The following PGCKA1 variants were observed in gnomAD, a reference collection of about 807,000 sequenced individuals.
The protein encoded by PGCKA1 is PDCD10 and GCKIII kinases associated 1, also known as PDCD10 and GCKIII kinases-associated protein 1.
At chr4:37,557,727 T>C in the PGCKA1 span, among the ~76,000 whole-genome samples, 3 of 152,218 alleles carry the variant, frequency 2.0e-5, no homozygotes, top group Admixed American at 2.0e-4. Context: ...TTCCAGTGTG[T>C]GATCAACAGT....
At chr4:37,572,764 T>C in the PGCKA1 span, among the ~76,000 whole-genome samples, 1 of 152,252 alleles carries the variant, frequency 6.6e-6, no homozygotes, top group Admixed American at 6.5e-5. Context: ...GATAATTTTA[T>C]ATTTTTAATA....
chr4:37,510,015 G>T, the PGCKA1 span, among the ~76,000 whole-genome samples: 1 of 151,814 alleles, frequency 6.6e-6, no homozygotes, highest in Non-Finnish European at 1.5e-5. Flanking sequence ...GAGGGAGAGG[G>T]AGAGGGGTTG....
chr4:37,529,247 T>G, the PGCKA1 span, among the ~76,000 whole-genome samples: 3 of 152,346 alleles, frequency 2.0e-5, no homozygotes, highest in East Asian at 5.8e-4. Context: ...CATATTGAAT[T>G]GTCTTCAATA....
chr4:37,490,780 T>C, the PGCKA1 span, among the ~76,000 whole-genome samples: 3 of 152,150 alleles, frequency 2.0e-5, no homozygotes, highest in African/African-American at 7.2e-5. Flanking sequence ...ATTTTAATGA[T>C]CAAAATAATC....
the PGCKA1 span, among the ~76,000 whole-genome samples, chr4:37,455,642 A>T: frequency 1.3e-5 from 2 of 152,202 alleles, no homozygotes; most frequent in African/African-American, 4.8e-5. Flanking sequence ...CTTTTTGGAT[A>T]TCTGGGATTG....
the PGCKA1 span, among the ~76,000 whole-genome samples, chr4:37,509,369 G>A: frequency 0.027 from 3,666 of 136,740 alleles, 97 homozygotes; most frequent in Non-Finnish European, 0.041. Flanking sequence ...ATGGGGTCAC[G>A]GCAGGGCAGA....
chr4:37,571,727 C>T, the PGCKA1 span, among the ~76,000 whole-genome samples: 8 of 151,504 alleles, frequency 5.3e-5, no homozygotes, highest in Admixed American at 3.9e-4. Context: ...TTAGTAGAGA[C>T]GGGGTTTCAC....
the PGCKA1 span, among the ~76,000 whole-genome samples, chr4:37,580,320 T>TC: frequency 6.6e-6 from 1 of 151,522 alleles, no homozygotes; most frequent in Non-Finnish European, 1.5e-5. Context: ...TTTTTTTTTT[T>TC]TGGATGGTCT....
At chr4:37,523,994 A>T in the PGCKA1 span, among the ~76,000 whole-genome samples, 3 of 152,226 alleles carry the variant, frequency 2.0e-5, no homozygotes, top group Non-Finnish European at 2.9e-5. Flanking sequence ...GGGCTTCATC[A>T]TATGAATTGG....
chr4:37,462,066 A>C, the PGCKA1 span, among the ~76,000 whole-genome samples: 1 of 150,784 alleles, frequency 6.6e-6, no homozygotes, highest in African/African-American at 2.5e-5. Flanking sequence ...GTTTGTTTAA[A>C]GGCAGCTTCC....
the PGCKA1 span, among the ~76,000 whole-genome samples, chr4:37,556,227 TTTTTCTTTTTTA>T: frequency 6.6e-6 from 1 of 151,714 alleles, no homozygotes; most frequent in South Asian, 2.1e-4. Context: ...TCACTATTAG[TTTTTCTTTTTTA>T]TTTTCTTTTT....
the PGCKA1 span, among the ~76,000 whole-genome samples, chr4:37,512,867 T>G: frequency 6.6e-6 from 1 of 152,024 alleles, no homozygotes; most frequent in Non-Finnish European, 1.5e-5. Context: ...AGGGGGCAGA[T>G]CACCTGAGGT....
the PGCKA1 span, among the ~76,000 whole-genome samples, chr4:37,518,240 C>G: frequency 3.9e-4 from 60 of 152,154 alleles, no homozygotes; most frequent in Non-Finnish European, 7.2e-4. Flanking sequence ...AACAGGGGTG[C>G]AGATATCTCT....
the PGCKA1 span, among the ~76,000 whole-genome samples, chr4:37,503,174 G>A: frequency 5.9e-5 from 9 of 152,260 alleles, no homozygotes; most frequent in South Asian, 2.1e-4. Context: ...CTCCTGCCAG[G>A]ATTCCAGAGG....
the PGCKA1 span, among the ~76,000 whole-genome samples, chr4:37,453,741 G>T: frequency 6.6e-6 from 1 of 152,070 alleles, no homozygotes; most frequent in Non-Finnish European, 1.5e-5. Flanking sequence ...GCTTCAGTGC[G>T]CCCGGGACTG....
chr4:37,497,295 CAT>C, the PGCKA1 span, among the ~76,000 whole-genome samples: 1 of 151,600 alleles, frequency 6.6e-6, no homozygotes, highest in Non-Finnish European at 1.5e-5. Context: ...ACTATTCCAT[CAT>C]ATATATATAT....
the PGCKA1 span, among the ~76,000 whole-genome samples, chr4:37,554,316 C>A: frequency 0.22 from 32,986 of 151,970 alleles, 4,244 homozygotes; most frequent in East Asian, 0.46. Context: ...TGAAAATGGA[C>A]TAATACAAAG....
At chr4:37,549,661 C>T in the PGCKA1 span, among the ~76,000 whole-genome samples, 1 of 152,184 alleles carries the variant, frequency 6.6e-6, no homozygotes, top group Non-Finnish European at 1.5e-5. Flanking sequence ...TTGCAACACC[C>T]TAACCCCGCC....
At chr4:37,458,397 C>T in the PGCKA1 span, among the ~76,000 whole-genome samples, 3 of 151,544 alleles carry the variant, frequency 2.0e-5, no homozygotes, top group African/African-American at 4.8e-5. Flanking sequence ...TCACCCCACA[C>T]GTAATGGCTT....
Sources: allele counts gnomAD v4.1 joint callset (sites outside exome capture counted in the v4.1 genomes callset), GRCh38; gene constraint gnomAD v4.1.1; transcripts MANE v1.5; gene names NCBI Gene and HGNC (gene_info 2026-07-23, HGNC 2026-07-21).